The following MTHFD2L variants were observed in gnomAD, a reference collection of about 807,000 sequenced individuals.
The protein encoded by MTHFD2L is bifunctional methylenetetrahydrofolate dehydrogenase/cyclohydrolase 2, mitochondrial.
In MTHFD2L, 29 loss-of-function variants were observed where a neutral mutation model predicts 34.9. The observed-to-expected ratio is 0.83, with a 90% CI of 0.62 to 1.13. The LOEUF (loss-of-function observed/expected upper bound fraction) is 1.13. Ranked by LOEUF, MTHFD2L falls within the 50% of genes most tolerant of loss-of-function variation. MTHFD2L has a pLI of 0.00. For missense variants in MTHFD2L, 481 were observed against 446.5 expected, an observed-to-expected ratio of 1.08 and a Z score of -0.70; for synonymous variants, 167 against 155.7, an observed-to-expected ratio of 1.07 and a Z score of -0.54.
chr4:74,147,880 A>G (rs1268277058), intron 1 of MTHFD2L, among the ~76,000 whole-genome samples: 1 of 151,912 alleles, frequency 6.6e-6, no homozygotes, highest in East Asian at 1.9e-4. Context: ...GAGCTATAGG[A>G]GTTTTCTTTT....
chr4:74,202,504 GA>G (rs1363954940), intron 5 of MTHFD2L, among the ~76,000 whole-genome samples: 1 of 152,156 alleles, frequency 6.6e-6, no homozygotes, highest in Non-Finnish European at 1.5e-5. Context: ...GAGATGGAAT[GA>G]AAAGGAAATA....
At chr4:74,239,038 A>G (rs1741293337) in intron 6 of MTHFD2L, among the ~76,000 whole-genome samples, 1 of 152,228 alleles carries the variant, frequency 6.6e-6, no homozygotes, top group African/African-American at 2.4e-5. Flanking sequence ...ATGCACATGT[A>G]TGTTCATTGT....
At chr4:74,200,938 T>C (rs1734309056) in intron 4 of MTHFD2L, among the ~76,000 whole-genome samples, 1 of 152,214 alleles carries the variant, frequency 6.6e-6, no homozygotes, top group Admixed American at 6.5e-5. Context: ...ATTGTTGTAC[T>C]TTGCTTTTTT....
chr4:74,165,306 C>G (rs1023173643), intron 1 of MTHFD2L, among the ~76,000 whole-genome samples: 12 of 152,178 alleles, frequency 7.9e-5, no homozygotes, highest in Non-Finnish European at 1.6e-4. Context: ...TTAGCTGTAT[C>G]TTTTAACACC....
chr4:74,148,999 C>A (rs1266932285), intron 1 of MTHFD2L, among the ~76,000 whole-genome samples: 1 of 151,742 alleles, frequency 6.6e-6, no homozygotes, highest in African/African-American at 2.4e-5. Context: ...AGGGGAAACC[C>A]AGTGTATTTT....
chr4:74,195,000 CA>C (rs1392592473), intron 3 of MTHFD2L: 4 of 152,188 alleles, frequency 2.6e-5, no homozygotes, highest in Non-Finnish European at 5.9e-5. Flanking sequence ...TTTCTTTTAA[CA>C]GTGAGAATGT....
upstream of MTHFD2L, chr4:74,156,523 T>C (rs1282036089): frequency 1.3e-5 from 2 of 152,192 alleles, no homozygotes; most frequent in African/African-American, 2.4e-5. Flanking sequence ...TAAACATTCA[T>C]ATGGTGGTTT....
chr4:74,144,608 C>T (rs555783791), intron 1 of MTHFD2L, among the ~76,000 whole-genome samples: 1 of 152,202 alleles, frequency 6.6e-6, no homozygotes, highest in East Asian at 1.9e-4. Flanking sequence ...TAGGTTTGTA[C>T]TTTTCATCAA....
intron 6 of MTHFD2L, among the ~76,000 whole-genome samples, chr4:74,253,543 G>A (rs530568745): frequency 6.6e-6 from 1 of 152,200 alleles, no homozygotes; most frequent in Non-Finnish European, 1.5e-5. Flanking sequence ...TATGGAAGAG[G>A]GAGAGTGAAG....
At chr4:74,271,632 A>G (rs1446677784) in intron 6 of MTHFD2L, among the ~76,000 whole-genome samples, 1 of 152,206 alleles carries the variant, frequency 6.6e-6, no homozygotes, top group Non-Finnish European at 1.5e-5. Context: ...CTTTTGGCTT[A>G]GGATTGTCTT....
At chr4:74,133,298 G>C (rs1368236572) in intron 1 of MTHFD2L, among the ~76,000 whole-genome samples, 2 of 151,904 alleles carry the variant, frequency 1.3e-5, no homozygotes, top group Non-Finnish European at 2.9e-5. Context: ...AGTGTTACTT[G>C]GGTTGAATCT....
chr4:74,126,131 G>A (rs1280087402), intron 1 of MTHFD2L, among the ~76,000 whole-genome samples: 3 of 152,120 alleles, frequency 2.0e-5, no homozygotes, highest in African/African-American at 7.2e-5. Flanking sequence ...GCAGTGTACT[G>A]TAAGTCCTCA....
At chr4:74,257,790 C>T (rs1744210552) in intron 6 of MTHFD2L, among the ~76,000 whole-genome samples, 2 of 152,074 alleles carry the variant, frequency 1.3e-5, no homozygotes, top group Admixed American at 6.5e-5. Context: ...AAAGAAGACA[C>T]TCAGAATGAG....
intron 5 of MTHFD2L, among the ~76,000 whole-genome samples, chr4:74,221,666 A>C (rs967061472): frequency 5.9e-5 from 9 of 151,924 alleles, no homozygotes; most frequent in African/African-American, 2.2e-4. Context: ...CAAAACATAT[A>C]ATTAGATTTT....
intron 6 of MTHFD2L, among the ~76,000 whole-genome samples, chr4:74,228,590 A>G (rs949267875): frequency 6.6e-6 from 1 of 152,206 alleles, no homozygotes; most frequent in Non-Finnish European, 1.5e-5. Context: ...TCCACTTGCA[A>G]GAAACACTGA....
At chr4:74,290,108 C>A (rs1399896487) in intron 7 of MTHFD2L, among the ~76,000 whole-genome samples, 1 of 152,114 alleles carries the variant, frequency 6.6e-6, no homozygotes, top group Admixed American at 6.5e-5. Context: ...TTGAATTTTT[C>A]AAAAGAATCT....
intron 6 of MTHFD2L, among the ~76,000 whole-genome samples, chr4:74,231,329 G>A (rs374712228): frequency 5.3e-5 from 8 of 151,954 alleles, no homozygotes; most frequent in African/African-American, 7.3e-5. Flanking sequence ...AACAGGGTTC[G>A]TAATTTTCAG....
At chr4:74,217,602 T>C (rs1478216496) in intron 5 of MTHFD2L, among the ~76,000 whole-genome samples, 1 of 151,822 alleles carries the variant, frequency 6.6e-6, no homozygotes, top group Non-Finnish European at 1.5e-5. Flanking sequence ...AGCAAAACTC[T>C]ATATGTGAGG....
At chr4:74,116,572 G>C (rs895340152) in intron 2 of MTHFD2L, among the ~76,000 whole-genome samples, 1 of 152,096 alleles carries the variant, frequency 6.6e-6, no homozygotes, top group Admixed American at 6.5e-5. Flanking sequence ...ACTAGGGAGG[G>C]GCTCTAATTA....
Sources: allele counts gnomAD v4.1 joint callset (sites outside exome capture counted in the v4.1 genomes callset), GRCh38; gene constraint gnomAD v4.1.1; transcripts MANE v1.5; gene names NCBI Gene and HGNC (gene_info 2026-07-23, HGNC 2026-07-21).